ZIC2: variants seen among roughly 807,000 people sequenced by gnomAD.
ZIC2 encodes zinc finger protein ZIC 2.
In ZIC2, 7 loss-of-function variants were observed where a neutral mutation model predicts 29.5. That is an observed-to-expected ratio of 0.24 (90% CI 0.14 to 0.45). The LOEUF (loss-of-function observed/expected upper bound fraction) is 0.45. Among genes scored for constraint, ZIC2 ranks in the 20% least tolerant of loss-of-function variants. The pLI is 1.00. For missense variants in ZIC2, 589 were observed against 781.2 expected (o/e 0.75, Z 2.93); for synonymous variants, 408 against 354.2 (o/e 1.15, Z -1.70).
Position 99,983,168 on chromosome 13 carries a change from C to G in ZIC2, c.1075+29C>G. 1 of 1,609,416 alleles carries G rather than the reference C, an allele frequency of 6.2e-7. No individual in the cohort carries two copies. On this transcript the variant is annotated intron_variant, in intron 1 of 2. Coordinates refer to ENST00000376335, the MANE Select transcript of ZIC2 (RefSeq NM_007129.5). This position sits in a 1 kb window ranked among gnomAD's most constrained non-coding sequence, Gnocchi z 4.7. ...ACCGCGGGCTGGGACAGGGACCAGGCGCGGAGGGGAGACACGCACAGGCTG... is the reference window on the plus strand; with the variant it reads ...ACCGCGGGCTGGGACAGGGACCAGGGGCGGAGGGGAGACACGCACAGGCTG...
In ZIC2 at chr13:99,986,549, C is replaced by G. The variant is rs2053271272; in HGVS notation, c.*867C>G. On this transcript the variant is annotated 3_prime_UTR_variant, in exon 3 of 3. Coordinates refer to ENST00000376335, the MANE Select transcript of ZIC2 (RefSeq NM_007129.5). ...TAACACCCTTCCTTCTGTAAATACCCGTTACCATATTTATCCATTTGTAAT... is the reference window on the plus strand; with the variant it reads ...TAACACCCTTCCTTCTGTAAATACCGGTTACCATATTTATCCATTTGTAAT... 6.5e-6 allele frequency: 1 copy of G among 153,262 alleles called. No homozygotes were observed. The highest frequency in any genetic ancestry group is 6.5e-5 in the Admixed American group (1 of 15,374). 9.5% of individuals were successfully genotyped at this position (153,262 alleles called of 1,614,324 possible). A position where few individuals can be genotyped will look rare whatever the true frequency, so the allele number is the denominator to read the frequency against.
rs1327617997 is a variant in ZIC2, at chr13:99,981,786, A to G, written c.-279A>G. The G allele has an allele frequency of 4.0e-6, 2 of 497,062 alleles. No individual in the cohort carries two copies. Among genetic ancestry groups the G allele is most frequent in the Non-Finnish European group, 6.6e-6 (2 of 303,480 alleles). The allele number at this position is 497,062 out of a possible 1,614,324, so 30.8% of individuals were successfully genotyped here. On this transcript the variant is annotated 5_prime_UTR_variant, in exon 1 of 3. Transcript: ENST00000376335. ...ACTTTGGTTCTCCGCCTGGCTTTGG[A>G]CTCTTCTCCTCCTCCACCTCCTCCT... is the stretch of plus-strand genomic sequence containing the variant.
Position 99,982,055 on chromosome 13 carries a change from C to T in ZIC2, c.-10C>T. The T allele has an allele frequency of 8.1e-7, 1 of 1,229,494 alleles. No individual in the cohort carries two copies. 76.2% of individuals were successfully genotyped at this position (1,229,494 alleles called of 1,614,324 possible). A position where few individuals can be genotyped will look rare whatever the true frequency, so the allele number is the denominator to read the frequency against. On this transcript the variant is annotated 5_prime_UTR_variant, in exon 1 of 3. Transcript: ENST00000376335. ...CGCAGGGCTCGCAGGGGCGGGCGGG[C>T]GCGCTGGCCATGCTCCTGGACGCGG...
Position 99,982,469 on chromosome 13 carries a change from G to A in ZIC2, c.405G>A (p.Gln135=). The part of the protein sequence containing the change: ...GFGDSAPGGG[Q]HGLFGPGAGG... ...GGGACTCGGCGCCGGGCGGCGGGCA[G>A]CACGGGCTGTTCGGGCCGGGCGCGG... The change falls in exon 1 of 3, where the codon CAG becomes CAA. Residue 135 remains glutamine (Q), a synonymous_variant. Transcript: ENST00000376335. 6.9e-7 allele frequency: 1 copy of A among 1,451,114 alleles called. No individual in the cohort carries two copies. 89.9% of individuals were successfully genotyped at this position (1,451,114 alleles called of 1,614,324 possible).
chr13:99,985,448 AGCGGCGGCGGCAGCGGCG>A lies in ZIC2; in HGVS notation c.1374_1391del (p.Ala465_Ala470del). The A allele has an allele frequency of 1.4e-6, 2 of 1,417,612 alleles. No homozygotes were observed. Among genetic ancestry groups the A allele is most frequent in the Non-Finnish European group, 1.8e-6 (2 of 1,094,108 alleles). 87.8% of individuals were successfully genotyped at this position (1,417,612 alleles called of 1,614,324 possible). A position where few individuals can be genotyped will look rare whatever the true frequency, so the allele number is the denominator to read the frequency against. ...CCCAGAGCAGCTCCAACCTGTCCCCAGCGGCGGCGGCAGCGGCGGCGGCGGCTGCGGCGGCGGCGGCCG... is the reference window on the plus strand; with the variant it reads ...CCCAGAGCAGCTCCAACCTGTCCCCAGCGGCGGCTGCGGCGGCGGCGGCCG... On this transcript the variant is annotated inframe_deletion, in exon 3 of 3. Transcript: ENST00000376335. This position sits in a 1 kb window ranked among gnomAD's most constrained non-coding sequence, Gnocchi z 6.3.
At position 99,985,560 on chromosome 13, in the gene ZIC2, A is replaced by G. The variant is rs1232374743; in HGVS notation, c.1477A>G (p.Ser493Gly). ...CGCGGGAGGCGGCTCAGGCGGCGGC[A>G]GCGGCAGTGGCGGGGGCGGCGGCGG... Reference protein sequence around the residue: ...GGAGGGSGGGSGSGGGGGGAG... With the variant: ...GGAGGGSGGGGGSGGGGGGAG... Residue 493 changes from serine to glycine, a missense_variant, in exon 3 of 3, where the codon AGC (serine) becomes GGC (glycine). By Grantham distance (56) the Ser-to-Gly change is moderately conservative. Coordinates refer to ENST00000376335, the MANE Select transcript of ZIC2 (RefSeq NM_007129.5). The surrounding 1 kb of genome is among the most constrained non-coding windows in gnomAD (Gnocchi z 6.3). The G allele has an allele frequency of 2.0e-6, 2 of 983,930 alleles. No individual in the cohort carries two copies. The highest frequency in any genetic ancestry group is 1.8e-5 in the African/African-American group (1 of 55,188). The allele number at this position is 983,930 out of a possible 1,614,324, so 60.9% of individuals were successfully genotyped here.
chr13:99,985,214 C>A lies in ZIC2; in HGVS notation c.1239+105C>A. ...CTGGGAGGGTCCCCAGGGGCCAGGG[C>A]GGCGGGGGGAACATTTCTGGGGGTG... On this transcript the variant is annotated intron_variant, in intron 2 of 2. Coordinates refer to ENST00000376335, the MANE Select transcript of ZIC2 (RefSeq NM_007129.5). The surrounding 1 kb of genome is among the most constrained non-coding windows in gnomAD (Gnocchi z 6.3). 6.2e-7 allele frequency: 1 copy of A among 1,602,472 alleles called. No individual in the cohort carries two copies. The highest frequency in any genetic ancestry group is 8.5e-7 in the Non-Finnish European group (1 of 1,174,266).
In ZIC2 at chr13:99,982,778, C is replaced by G; in HGVS notation, c.714C>G (p.His238Gln). 6.2e-7 allele frequency: 1 copy of G among 1,607,078 alleles called. No homozygotes were observed. Among genetic ancestry groups the G allele is most frequent in the Non-Finnish European group, 8.5e-7 (1 of 1,179,910 alleles). Residue 238 changes from histidine (H) to glutamine (Q), a missense_variant, in exon 1 of 3, where the codon CAC becomes CAG. His to Gln is a conservative substitution (Grantham distance 24). This residue lies in a region of ZIC2 where 358 missense variants were observed against 382.0 expected (regional missense o/e 0.94). Coordinates refer to ENST00000376335, the MANE Select transcript of ZIC2 (RefSeq NM_007129.5). ...CCCACCACCACCACCACCACCACCACCACCCCGGTGCCTTTTTCCGCTATA... is the reference window on the plus strand; with the variant it reads ...CCCACCACCACCACCACCACCACCAGCACCCCGGTGCCTTTTTCCGCTATA... ...AAAHHHHHHH[H>Q]HPGAFFRYMR...
chr13:99,984,808 G>C, intron 1 of ZIC2, 138 bp from the exon 2 acceptor site: 3 of 939,946 alleles, frequency 3.2e-6, no homozygotes, highest in East Asian at 2.6e-5. Flanking sequence ...TTCTGCCGCA[G>C]AGGGGATCGG....
rs1457621165 is a variant in ZIC2 at position 99,985,502 on chromosome 13, G to C, written c.1419G>C (p.Ala473=). 7.0e-6 allele frequency: 8 copies of C among 1,149,388 alleles called. No homozygotes were observed. Among genetic ancestry groups the C allele is most frequent in the Non-Finnish European group, 8.5e-6 (8 of 941,900 alleles). 71.2% of individuals were successfully genotyped at this position (1,149,388 alleles called of 1,614,324 possible). The change falls in exon 3 of 3, where the codon GCG becomes GCC. Residue 473 remains alanine (A), a synonymous_variant. Transcript: ENST00000376335. This position sits in a 1 kb window ranked among gnomAD's most constrained non-coding sequence, Gnocchi z 6.3. ...AAAAAAAAVS[A]VHRGGGSGSG... ...CGGCGGCGGCGGCCGCGGTGTCCGCGGTGCACCGGGGCGGAGGCTCGGGCA... is the reference window on the plus strand; with the variant it reads ...CGGCGGCGGCGGCCGCGGTGTCCGCCGTGCACCGGGGCGGAGGCTCGGGCA...
rs757103144 is a variant in ZIC2, at chr13:99,985,457, G to A, written c.1374G>A (p.Ala458=). Residue 458 remains alanine, a synonymous_variant, in exon 3 of 3, where the codon GCG becomes GCA. Transcript: ENST00000376335. This position sits in a 1 kb window ranked among gnomAD's most constrained non-coding sequence, Gnocchi z 6.3. ...GCTCCAACCTGTCCCCAGCGGCGGCGGCAGCGGCGGCGGCGGCTGCGGCGG... is the reference window on the plus strand; with the variant it reads ...GCTCCAACCTGTCCCCAGCGGCGGCAGCAGCGGCGGCGGCGGCTGCGGCGG... ...QSSSNLSPAA[A]AAAAAAAAAA... is the part of the protein sequence containing the mutation. The A allele has an allele frequency of 1.6e-4, 221 of 1,386,320 alleles. 1 individual carries two copies. Among genetic ancestry groups the A allele is most frequent in the Non-Finnish European group, 2.0e-4 (217 of 1,078,482 alleles). 85.9% of individuals were successfully genotyped at this position (1,386,320 alleles called of 1,614,324 possible). A position where few individuals can be genotyped will look rare whatever the true frequency, so the allele number is the denominator to read the frequency against.
At position 99,982,084 on chromosome 13, in the gene ZIC2, C is replaced by A. The variant is rs1048469235; in HGVS notation, c.20C>A (p.Pro7Gln). Residue 7 changes from proline (P) to glutamine (Q), a missense_variant, in exon 1 of 3, where the codon CCG becomes CAG. By Grantham distance (76) the Pro-to-Gln change is moderately conservative (BLOSUM62 -1). Around this residue, in one of 7 missense-constraint regions of ZIC2, gnomAD observed 358 missense variants for 382.0 expected, o/e 0.94. Coordinates refer to ENST00000376335, the MANE Select transcript of ZIC2 (RefSeq NM_007129.5). ...CTGGCCATGCTCCTGGACGCGGGTC[C>A]GCAGTTCCCGGCCATCGGGGTGGGC... MLLDAG[P>Q]QFPAIGVGSF... 2 of 1,257,676 alleles carry A rather than the reference C, an allele frequency of 1.6e-6. No homozygotes were observed. The highest frequency in any genetic ancestry group is 3.1e-5 in the African/African-American group (2 of 63,966). 77.9% of individuals were successfully genotyped at this position (1,257,676 alleles called of 1,614,324 possible).
intron 1 of ZIC2, 52 bp from the exon 2 acceptor site, chr13:99,984,894 G>GCTCT: frequency 6.2e-7 from 1 of 1,612,640 alleles, no homozygotes; most frequent in Non-Finnish European, 8.5e-7. Flanking sequence ...CTGAGTGGGG[G>GCTCT]CTCTGCAGGC....
Position 99,986,014 on chromosome 13 carries a change from T to C in ZIC2, c.*332T>C. On this transcript the variant is annotated 3_prime_UTR_variant, in exon 3 of 3. Coordinates refer to ENST00000376335, the MANE Select transcript of ZIC2 (RefSeq NM_007129.5). Reference sequence around the variant, plus strand: ...ACGTTCTTTCCCACCCTGTTCCCAGTCTTCTGACAAACTGTGTACATAGCG... The same window carrying C: ...ACGTTCTTTCCCACCCTGTTCCCAGCCTTCTGACAAACTGTGTACATAGCG... The C allele has an allele frequency of 4.4e-6, 2 of 455,336 alleles. No individual in the cohort carries two copies. The highest frequency in any genetic ancestry group is 3.2e-4 in the Middle Eastern group (1 of 3,080). The allele number at this position is 455,336 out of a possible 1,614,324, so 28.2% of individuals were successfully genotyped here. A position where few individuals can be genotyped will look rare whatever the true frequency, so the allele number is the denominator to read the frequency against.
At position 99,983,649 on chromosome 13, in the gene ZIC2, T is replaced by C. The variant is rs1382770514; in HGVS notation, c.1075+510T>C. On this transcript the variant is annotated intron_variant, in intron 1 of 2. Coordinates refer to ENST00000376335, the MANE Select transcript of ZIC2 (RefSeq NM_007129.5). The surrounding 1 kb of genome is among the most constrained non-coding windows in gnomAD (Gnocchi z 4.7). ...AGTCTGGTGTGAGCCGAAGCTGTAATGCGTTTCTCATTTTTAAAGTGTTTT... is the reference window on the plus strand; with the variant it reads ...AGTCTGGTGTGAGCCGAAGCTGTAACGCGTTTCTCATTTTTAAAGTGTTTT... Among the ~76,000 whole-genome samples the C allele has an allele frequency of 3.9e-5, 6 of 152,176 alleles. No individual in the cohort carries two copies. The highest frequency in any genetic ancestry group is 2.9e-5 in the Non-Finnish European group (2 of 68,034).
Position 99,982,886 on chromosome 13 carries a change from C to G in ZIC2, c.822C>G (p.Asn274Lys). 1 of 1,613,748 alleles carries G rather than the reference C, an allele frequency of 6.2e-7. No individual in the cohort carries two copies. The highest frequency in any genetic ancestry group is 8.5e-7 in the Non-Finnish European group (1 of 1,180,018). ...TGAGCAATCCCAAGAAGAGCTGCAA[C>G]AAAACTTTCAGCACCATGCACGAGC... The part of the protein sequence containing the change: ...EQLSNPKKSC[N>K]KTFSTMHELV... Residue 274 changes from asparagine (N) to lysine (K), a missense_variant, in exon 1 of 3, where the codon AAC becomes AAG. Asn to Lys is a moderately conservative substitution (Grantham distance 94). This residue lies in a region of ZIC2 where 27 missense variants were observed against 47.5 expected (regional missense o/e 0.57). Transcript: ENST00000376335.
rs753612151 is a variant in ZIC2 at position 99,986,047 on chromosome 13, C to T, written c.*365C>T. 2 of 455,998 alleles carry T rather than the reference C, an allele frequency of 4.4e-6. No homozygotes were observed. The highest frequency in any genetic ancestry group is 3.1e-5 in the South Asian group (2 of 64,458). 28.2% of individuals were successfully genotyped at this position (455,998 alleles called of 1,614,324 possible). A position where few individuals can be genotyped will look rare whatever the true frequency, so the allele number is the denominator to read the frequency against. ...CAAACTGTGTACATAGCGGACTCCT[C>T]CTTTCTCCTCCGAGGTGGTTTTAAA... is the stretch of plus-strand genomic sequence containing the variant. On this transcript the variant is annotated 3_prime_UTR_variant, in exon 3 of 3. Coordinates refer to ENST00000376335, the MANE Select transcript of ZIC2 (RefSeq NM_007129.5).
intron 1 of ZIC2, 30 bp from the exon 2 acceptor site, chr13:99,984,916 G>A: frequency 6.2e-7 from 1 of 1,613,804 alleles, no homozygotes; most frequent in Non-Finnish European, 8.5e-7. Flanking sequence ...CTGGGTGTCT[G>A]CAGCCAGCGC....
rs1284477491 is a variant in ZIC2 at position 99,985,284 on chromosome 13, A to G, written c.1240-39A>G. 2 of 1,599,964 alleles carry G rather than the reference A, an allele frequency of 1.3e-6. No homozygotes were observed. Among genetic ancestry groups the G allele is most frequent in the Non-Finnish European group, 1.7e-6 (2 of 1,179,182 alleles). ...CCCCACAGCAGCTGCACTCACACCC[A>G]GTCCCCTCTGGTCCCCCCTCCCGGC... On this transcript the variant is annotated intron_variant, in intron 2 of 2. Transcript: ENST00000376335. The surrounding 1 kb of genome is among the most constrained non-coding windows in gnomAD (Gnocchi z 6.3).
Sources: allele counts gnomAD v4.1 joint callset (sites outside exome capture counted in the v4.1 genomes callset), GRCh38; gene constraint gnomAD v4.1.1; regional missense constraint gnomAD v4.1.1; non-coding constraint Gnocchi (gnomAD v3.1); transcripts MANE v1.5; gene names NCBI Gene and HGNC (gene_info 2026-07-23, HGNC 2026-07-21).